PTPRG: variants seen among roughly 807,000 people sequenced by gnomAD.
PTPRG encodes receptor-type tyrosine-protein phosphatase gamma.
In PTPRG, 102 loss-of-function variants were observed where a neutral mutation model predicts 165.3. The ratio of observed to expected loss-of-function variants is 0.62; its 90% CI spans 0.53 to 0.73. PTPRG has a LOEUF of 0.73. Among genes scored for constraint, PTPRG ranks in the 30% least tolerant of loss-of-function variants. PTPRG has a pLI of 0.00. For missense variants in PTPRG, 1,866 were observed against 1,861.4 expected (o/e 1.00, Z -0.05); for synonymous variants, 675 against 669.5 (o/e 1.01, Z -0.13).
intron 1 of PTPRG, among the ~76,000 whole-genome samples, chr3:61,677,029 A>C (rs192566658): frequency 2.6e-4 from 39 of 152,064 alleles, no homozygotes; most frequent in African/African-American, 8.0e-4. Context: ...GGTGGATCAC[A>C]AGGTTAGGAG....
intron 2 of PTPRG, among the ~76,000 whole-genome samples, chr3:61,774,038 G>A (rs181083622): frequency 2.6e-5 from 4 of 152,306 alleles, no homozygotes; most frequent in African/African-American, 7.2e-5. Flanking sequence ...GCCTCCCAAA[G>A]TGCTAGGATA....
At chr3:61,950,179 G>A (rs1328391380) in intron 2 of PTPRG, among the ~76,000 whole-genome samples, 2 of 152,114 alleles carry the variant, frequency 1.3e-5, no homozygotes, top group Non-Finnish European at 2.9e-5. Flanking sequence ...CTTTCTCTGG[G>A]AGACAGTTTC....
intron 3 of PTPRG, among the ~76,000 whole-genome samples, chr3:61,991,202 G>A (rs1162053344): frequency 6.6e-6 from 1 of 152,084 alleles, no homozygotes; most frequent in African/African-American, 2.4e-5. Context: ...AATGTTATTT[G>A]TACGTAATTT....
rs1700897186 is a variant in PTPRG at position 62,231,323 on chromosome 3, T to G, written c.2375+12T>G. 1 of 1,562,720 alleles carries G rather than the reference T, an allele frequency of 6.4e-7. No individual in the cohort carries two copies. The highest frequency in any genetic ancestry group is 8.6e-7 in the Non-Finnish European group (1 of 1,156,462). On this transcript the variant is annotated intron_variant, in intron 14 of 29. Coordinates refer to ENST00000474889, the MANE Select transcript of PTPRG (RefSeq NM_002841.4). ...GAGAAGGGGAGCAGGTGAGGGGCGG[T>G]CAAGCTTAAGTGGGGGGCGTCTTGA...
intron 2 of PTPRG, among the ~76,000 whole-genome samples, chr3:61,881,029 C>T (rs2037875258): frequency 1.3e-5 from 2 of 148,522 alleles, no homozygotes; most frequent in Non-Finnish European, 3.0e-5. Context: ...TCTTGGCATT[C>T]TTAATATCAT....
At chr3:61,572,691 G>A (rs566966879) in intron 1 of PTPRG, among the ~76,000 whole-genome samples, 3 of 152,256 alleles carry the variant, frequency 2.0e-5, no homozygotes, top group South Asian at 4.2e-4. Flanking sequence ...ACAGCTTCCC[G>A]TGAAAGTGGG....
chr3:61,659,903 T>C (rs1702611138), intron 1 of PTPRG, among the ~76,000 whole-genome samples: 1 of 152,180 alleles, frequency 6.6e-6, no homozygotes, highest in Non-Finnish European at 1.5e-5. Context: ...AATGTGGCTA[T>C]GGTGGAAACT....
intron 28 of PTPRG, among the ~76,000 whole-genome samples, chr3:62,285,409 C>A (rs559212105): frequency 1.3e-5 from 2 of 150,582 alleles, no homozygotes; most frequent in Non-Finnish European, 2.9e-5. Flanking sequence ...AAGGCCTGCA[C>A]GCATTTGATC....
At chr3:62,134,979 A>AT (rs1703652849) in intron 6 of PTPRG, among the ~76,000 whole-genome samples, 1 of 152,208 alleles carries the variant, frequency 6.6e-6, no homozygotes, top group Non-Finnish European at 1.5e-5. Flanking sequence ...TTTAAAAAAA[A>AT]CTTTTGTTGG....
intron 6 of PTPRG, among the ~76,000 whole-genome samples, chr3:62,149,563 C>T (rs1704249660): frequency 6.6e-6 from 1 of 152,232 alleles, no homozygotes; most frequent in Non-Finnish European, 1.5e-5. Flanking sequence ...AGCCACTGCG[C>T]CCGGCCATCT....
At chr3:61,578,866 T>C (rs1056888271) in intron 1 of PTPRG, among the ~76,000 whole-genome samples, 4 of 152,208 alleles carry the variant, frequency 2.6e-5, no homozygotes, top group African/African-American at 9.6e-5. Context: ...TCCCAGGGAA[T>C]GTTTGGCAGG....
At chr3:61,844,883 G>A (rs937456530) in intron 2 of PTPRG, among the ~76,000 whole-genome samples, 1 of 152,122 alleles carries the variant, frequency 6.6e-6, no homozygotes, top group Admixed American at 6.5e-5. Flanking sequence ...ACATTGAATG[G>A]TTAGATAGTA....
At chr3:61,624,924 G>A (rs968510001) in intron 1 of PTPRG, among the ~76,000 whole-genome samples, 5 of 152,154 alleles carry the variant, frequency 3.3e-5, no homozygotes, top group African/African-American at 9.6e-5. Context: ...GAGGCTGGAA[G>A]TCTGAGGTCA....
At chr3:61,594,570 A>G (rs1319512343) in intron 1 of PTPRG, among the ~76,000 whole-genome samples, 4 of 152,100 alleles carry the variant, frequency 2.6e-5, no homozygotes, top group Non-Finnish European at 4.4e-5. Flanking sequence ...CCAATCAGTT[A>G]TTTCTGCGGA....
chr3:61,922,159 A>G (rs76437874), intron 2 of PTPRG, among the ~76,000 whole-genome samples: 1,626 of 152,316 alleles, frequency 0.011, 37 homozygotes, highest in South Asian at 0.093. Context: ...TTTCCCCAGC[A>G]GTATGCTATT....
chr3:61,646,683 A>T (rs781529050), intron 1 of PTPRG, among the ~76,000 whole-genome samples: 18 of 152,154 alleles, frequency 1.2e-4, no homozygotes, highest in Non-Finnish European at 2.1e-4. Context: ...GTGTATGTGT[A>T]TGTATAGTTT....
chr3:62,027,741 C>A (rs1208269998), intron 4 of PTPRG, among the ~76,000 whole-genome samples: 1 of 152,050 alleles, frequency 6.6e-6, no homozygotes, highest in East Asian at 1.9e-4. Flanking sequence ...TTAAATCCAT[C>A]AAAAAACGTG....
intron 2 of PTPRG, among the ~76,000 whole-genome samples, chr3:61,764,708 T>C (rs367894447): frequency 1.3e-5 from 2 of 152,214 alleles, no homozygotes; most frequent in Admixed American, 6.5e-5. Context: ...TTCAATGTTA[T>C]ACCTTAAACT....
At chr3:61,737,501 T>C (rs1575620491) in intron 1 of PTPRG, among the ~76,000 whole-genome samples, 1 of 152,094 alleles carries the variant, frequency 6.6e-6, no homozygotes, top group East Asian at 1.9e-4. Flanking sequence ...GTGTTGGAGG[T>C]GGAGTACATA....
Sources: allele counts gnomAD v4.1 joint callset (sites outside exome capture counted in the v4.1 genomes callset), GRCh38; gene constraint gnomAD v4.1.1; transcripts MANE v1.5; gene names NCBI Gene and HGNC (gene_info 2026-07-23, HGNC 2026-07-21).